Variants in PARD3B observed in about 807,000 individuals in gnomAD.
The protein encoded by PARD3B is partitioning defective 3 homolog B.
A neutral mutation model predicts 130.2 loss-of-function variants in PARD3B; 103 were observed. The observed-to-expected ratio is 0.79, with a 90% confidence interval of 0.67 to 0.93. The LOEUF (loss-of-function observed/expected upper bound fraction) is 0.93, where lower values mean the gene tolerates loss of function less well. Ranked by LOEUF, PARD3B falls within the 40% of genes least tolerant of loss-of-function variation. PARD3B has a pLI of 0.00. For synonymous variants in PARD3B, 583 were observed against 553.2 expected, an observed-to-expected ratio of 1.05 and a Z score of -0.76; for missense variants, 1,609 against 1,499.2, an observed-to-expected ratio of 1.07 and a Z score of -1.21.
intron 3 of PARD3B, among the ~76,000 whole-genome samples, chr2:205,010,430 G>A (rs986441): frequency 0.49 from 75,182 of 151,946 alleles, 19,164 homozygotes; most frequent in East Asian, 0.83. Flanking sequence ...CTTGGGCTGC[G>A]TTCTCTTTAT....
intron 3 of PARD3B, among the ~76,000 whole-genome samples, chr2:204,998,077 G>T (rs148875684): frequency 6.7e-6 from 1 of 149,208 alleles, no homozygotes. Flanking sequence ...ATTCTGTTCA[G>T]TACTGGAGAT....
intron 2 of PARD3B, among the ~76,000 whole-genome samples, chr2:204,957,074 T>C (rs1016098185): frequency 6.6e-6 from 1 of 152,148 alleles, no homozygotes; most frequent in Non-Finnish European, 1.5e-5. Flanking sequence ...TAATGAATCA[T>C]GAGTGATTGT....
At chr2:204,986,465 T>C (rs540176305) in intron 3 of PARD3B, among the ~76,000 whole-genome samples, 1 of 152,316 alleles carries the variant, frequency 6.6e-6, no homozygotes, top group South Asian at 2.1e-4. Flanking sequence ...AATCATAATC[T>C]CTCCTTGAGC....
At chr2:204,992,092 T>C (rs1404385075) in intron 3 of PARD3B, among the ~76,000 whole-genome samples, 3 of 151,890 alleles carry the variant, frequency 2.0e-5, no homozygotes, top group African/African-American at 7.3e-5. Flanking sequence ...TTAGATCCCA[T>C]TTGTCAATTT....
chr2:205,103,646 A>G (rs931730700), intron 4 of PARD3B: 12 of 913,968 alleles, frequency 1.3e-5, no homozygotes, highest in Non-Finnish European at 1.6e-5. Flanking sequence ...GACTCCACTT[A>G]TGAAGAGACA....
Position 205,265,747 on chromosome 2 carries a change from T to G in PARD3B, c.2185+19925T>G, listed in dbSNP as rs1240132002. Among the ~76,000 whole-genome samples, 2 of 152,072 alleles carry G rather than the reference T, an allele frequency of 1.3e-5. No homozygotes were observed. Among genetic ancestry groups the G allele is most frequent in the Non-Finnish European group, 2.9e-5 (2 of 67,940 alleles). On this transcript the variant is annotated intron_variant, in intron 16 of 22. Coordinates refer to ENST00000406610, the MANE Select transcript of PARD3B (RefSeq NM_001302769.2). The surrounding 1 kb of genome is among the most constrained non-coding windows in gnomAD (Gnocchi z 4.3). ...TAACACGATATTTATTAGGTGCAAG[T>G]TACATGCTATTGTAGTAAAGTTAAA...
At chr2:204,977,368 G>C (rs111660639) in intron 3 of PARD3B, among the ~76,000 whole-genome samples, 1 of 152,066 alleles carries the variant, frequency 6.6e-6, no homozygotes, top group African/African-American at 2.4e-5. Context: ...TTTTAATGTT[G>C]TTCTCCTCCC....
At position 204,962,412 on chromosome 2, in the gene PARD3B, CA is replaced by C. The variant is rs145491486; in HGVS notation, c.223-2736del. Among the ~76,000 whole-genome samples the C allele has an allele frequency of 4.8e-3, 735 of 152,224 alleles. 6 individuals are homozygous for C. Among genetic ancestry groups the C allele is most frequent in the African/African-American group, 0.017 (693 of 41,548 alleles). Reference sequence around the variant, plus strand: ...GTTTACTCTAAGCGAAACCTTAACACAAAAGCTTTTTAAATAGAATTCCTTC... The same window carrying C: ...GTTTACTCTAAGCGAAACCTTAACACAAAGCTTTTTAAATAGAATTCCTTC... On this transcript the variant is annotated intron_variant, in intron 2 of 22. Coordinates refer to ENST00000406610, the MANE Select transcript of PARD3B (RefSeq NM_001302769.2).
At chr2:204,670,989 G>C (rs1196400721) in intron 1 of PARD3B, among the ~76,000 whole-genome samples, 1 of 152,074 alleles carries the variant, frequency 6.6e-6, no homozygotes, top group Non-Finnish European at 1.5e-5. Context: ...TCATTGTCCT[G>C]ATCACATCAG....
chr2:205,434,980 G>T (rs1027494470), intron 19 of PARD3B, among the ~76,000 whole-genome samples: 1 of 151,938 alleles, frequency 6.6e-6, no homozygotes, highest in Non-Finnish European at 1.5e-5. Flanking sequence ...TGCATGATGC[G>T]TTCACTAAAA....
intron 2 of PARD3B, among the ~76,000 whole-genome samples, chr2:204,938,331 G>C (rs1688624907): frequency 2.0e-5 from 3 of 152,172 alleles, no homozygotes; most frequent in Admixed American, 2.0e-4. Context: ...CTTTCTAAAT[G>C]TTCTTTCAAC....
At chr2:205,552,703 C>T (rs1336114363) in intron 21 of PARD3B, among the ~76,000 whole-genome samples, 3 of 152,074 alleles carry the variant, frequency 2.0e-5, no homozygotes, top group Admixed American at 6.6e-5. Flanking sequence ...CATGAGCCAC[C>T]GAACCCAGCC....
chr2:205,072,645 A>T (rs1700812266), intron 4 of PARD3B, among the ~76,000 whole-genome samples: 1 of 152,208 alleles, frequency 6.6e-6, no homozygotes, highest in African/African-American at 2.4e-5. Flanking sequence ...TTAAGGTCTA[A>T]ATAACATTTT....
chr2:205,398,425 G>A (rs1298392730), intron 18 of PARD3B, among the ~76,000 whole-genome samples: 1 of 152,156 alleles, frequency 6.6e-6, no homozygotes, highest in Non-Finnish European at 1.5e-5. Flanking sequence ...AGGGAATCAG[G>A]AAAGAGAGAA....
chr2:205,397,893 T>C lies in PARD3B; in HGVS notation c.2631-3120T>C, dbSNP rs1348280879. Among the ~76,000 whole-genome samples the C allele has an allele frequency of 2.0e-5, 3 of 152,198 alleles. No individual in the cohort carries two copies. Reference sequence around the variant, plus strand: ...TGTTGACCCCTAAGACTCTTCTGCATGGGTCTGGAATGCTAAAGAATGTAT... The same window carrying C: ...TGTTGACCCCTAAGACTCTTCTGCACGGGTCTGGAATGCTAAAGAATGTAT... On this transcript the variant is annotated intron_variant, in intron 18 of 22. Transcript: ENST00000406610. The surrounding 1 kb of genome is among the most constrained non-coding windows in gnomAD (Gnocchi z 4.8).
chr2:204,882,258 A>T (rs111331262), intron 2 of PARD3B, among the ~76,000 whole-genome samples: 5,276 of 152,312 alleles, frequency 0.035, 153 homozygotes, highest in African/African-American at 0.069. Context: ...ATCCATTGAG[A>T]AACCTTTGTT....
At chr2:205,443,119 G>A (rs563355552) in intron 20 of PARD3B, among the ~76,000 whole-genome samples, 1 of 152,290 alleles carries the variant, frequency 6.6e-6, no homozygotes, top group South Asian at 2.1e-4. Context: ...ATTCACTAAT[G>A]TTAGGTATTA....
At chr2:204,756,348 TTTAACA>T (rs1383839166) in intron 2 of PARD3B, among the ~76,000 whole-genome samples, 2 of 152,152 alleles carry the variant, frequency 1.3e-5, no homozygotes, top group Non-Finnish European at 2.9e-5. Context: ...TATTACTGTA[TTTAACA>T]TTAAGGATAA....
rs1428905339 is a variant in PARD3B, at chr2:204,906,900, G to A, written c.223-58252G>A. Among the ~76,000 whole-genome samples the A allele has an allele frequency of 6.6e-6, 1 of 152,166 alleles. No individual in the cohort carries two copies. The highest frequency in any genetic ancestry group is 1.5e-5 in the Non-Finnish European group (1 of 68,026). ...ATTTGCAGATAATGAAGATTGCTGG[G>A]AAATTTTAGCATTTTTGTGGAGAAT... On this transcript the variant is annotated intron_variant, in intron 2 of 22. Coordinates refer to ENST00000406610, the MANE Select transcript of PARD3B (RefSeq NM_001302769.2). The surrounding 1 kb of genome is among the most constrained non-coding windows in gnomAD (Gnocchi z 4.3).
Sources: gnomAD v4.1 joint callset for allele counts (sites outside exome capture counted in the v4.1 genomes callset) on GRCh38, gnomAD v4.1.1 for gene constraint, Gnocchi (gnomAD v3.1) non-coding constraint, MANE v1.5 for transcripts, NCBI Gene and HGNC (gene_info 2026-07-23, HGNC 2026-07-21) for gene names.